FIGN: variants seen among roughly 807,000 people sequenced by gnomAD.
FIGN encodes fidgetin, microtubule severing factor.
In FIGN, 11 loss-of-function variants were observed where a neutral mutation model predicts 51.3. The ratio of observed to expected loss-of-function variants is 0.21; its 90% CI spans 0.13 to 0.35. The LOEUF (loss-of-function observed/expected upper bound fraction) is 0.35. FIGN is among the 10% of genes least tolerant of loss of function. The pLI is 1.00. For synonymous variants in FIGN, 407 were observed against 363.2 expected (o/e 1.12, Z -1.37); for missense variants, 857 against 943.6 (o/e 0.91, Z 1.20).
At chr2:163,734,341 G>A (rs1313157810) in intron 2 of FIGN, among the ~76,000 whole-genome samples, 1 of 147,150 alleles carries the variant, frequency 6.8e-6, no homozygotes, top group South Asian at 2.2e-4. Flanking sequence ...TCACTTACCC[G>A]CCCCCCCCAA....
At chr2:163,727,385 A>G (rs1684853960) in intron 2 of FIGN, among the ~76,000 whole-genome samples, 1 of 23,772 alleles carries the variant, frequency 4.2e-5, no homozygotes, top group Admixed American at 8.0e-4. Flanking sequence ...GGCTTAGTTA[A>G]AAAAAAAAAA....
chr2:163,612,175 A>T (rs542190794), intron 2 of FIGN, among the ~76,000 whole-genome samples: 1 of 152,338 alleles, frequency 6.6e-6, no homozygotes, highest in African/African-American at 2.4e-5. Flanking sequence ...ATTCAATCAT[A>T]GGTTCTTAAA....
chr2:163,712,643 TG>T (rs1010291552), intron 2 of FIGN, among the ~76,000 whole-genome samples: 6 of 152,182 alleles, frequency 3.9e-5, no homozygotes, highest in African/African-American at 9.7e-5. Flanking sequence ...GGTTATATGT[TG>T]TGAGGTTTTT....
chr2:163,731,018 C>T (rs917909573), intron 2 of FIGN, among the ~76,000 whole-genome samples: 8 of 152,148 alleles, frequency 5.3e-5, no homozygotes, highest in African/African-American at 1.9e-4. Flanking sequence ...ACCTTAAAAG[C>T]CTGCAATTGT....
chr2:163,628,900 T>A (rs1169464567), intron 2 of FIGN, among the ~76,000 whole-genome samples: 1 of 152,152 alleles, frequency 6.6e-6, no homozygotes, highest in Non-Finnish European at 1.5e-5. Flanking sequence ...AGGAACTTTC[T>A]TAAGGCCAGC....
At chr2:163,629,463 C>T (rs1194376258) in intron 2 of FIGN, among the ~76,000 whole-genome samples, 1 of 151,946 alleles carries the variant, frequency 6.6e-6, no homozygotes, top group Non-Finnish European at 1.5e-5. Context: ...GAGGATTTTC[C>T]TCATTGATAA....
chr2:163,721,191 A>G (rs6710146), intron 2 of FIGN, among the ~76,000 whole-genome samples: 29,713 of 151,974 alleles, frequency 0.2, 3,179 homozygotes, highest in East Asian at 0.37. Flanking sequence ...AATTCTCATG[A>G]ATATTTTTAT....
At chr2:163,648,437 A>G (rs951843342) in intron 2 of FIGN, among the ~76,000 whole-genome samples, 3 of 152,220 alleles carry the variant, frequency 2.0e-5, no homozygotes, top group Admixed American at 2.0e-4. Context: ...AATAAAATAC[A>G]AAGAGAACAT....
intron 2 of FIGN, among the ~76,000 whole-genome samples, chr2:163,641,777 T>G (rs1683309823): frequency 6.6e-6 from 1 of 152,170 alleles, no homozygotes; most frequent in Non-Finnish European, 1.5e-5. Flanking sequence ...ACAATCAGAT[T>G]CAGTGGGTAC....
chr2:163,647,936 G>T (rs1274495061), intron 2 of FIGN, among the ~76,000 whole-genome samples: 2 of 152,134 alleles, frequency 1.3e-5, no homozygotes, highest in Non-Finnish European at 2.9e-5. Flanking sequence ...CAGAGGATAG[G>T]AGACAAGGTG....
rs138209787 is a variant in FIGN, at chr2:163,670,315, A to G, written c.26-58509T>C. Reference sequence around the variant, plus strand: ...GAGGTTTTTTAAATGAGTGTTGGTCACTTAGAAGTAAAAAAACAAACCCCC... The same window carrying G: ...GAGGTTTTTTAAATGAGTGTTGGTCGCTTAGAAGTAAAAAAACAAACCCCC... On this transcript the variant is annotated intron_variant, in intron 2 of 2. Transcript: ENST00000333129. Among the ~76,000 whole-genome samples, 1,405 of 152,308 alleles carry G rather than the reference A, an allele frequency of 9.2e-3. 24 individuals are homozygous for G. The highest frequency in any genetic ancestry group is 0.032 in the African/African-American group (1,342 of 41,568).
intron 2 of FIGN, among the ~76,000 whole-genome samples, chr2:163,638,759 G>A (rs1052876986): frequency 1.3e-5 from 2 of 152,096 alleles, no homozygotes; most frequent in Non-Finnish European, 2.9e-5. Flanking sequence ...GCTGTGACAT[G>A]ATGTAATTTC....
intron 2 of FIGN, among the ~76,000 whole-genome samples, chr2:163,619,998 CTG>C (rs1410115815): frequency 6.6e-6 from 1 of 152,070 alleles, no homozygotes; most frequent in Admixed American, 6.6e-5. Context: ...GTGTACAAAA[CTG>C]TGTATATTCT....
intron 2 of FIGN, among the ~76,000 whole-genome samples, chr2:163,658,256 T>C (rs1244927156): frequency 6.6e-6 from 1 of 151,934 alleles, no homozygotes; most frequent in Admixed American, 6.6e-5. Flanking sequence ...TACAGAGGAA[T>C]TGAGTGCTGG....
intron 2 of FIGN, among the ~76,000 whole-genome samples, chr2:163,659,811 A>C (rs995136292): frequency 2.6e-5 from 4 of 152,206 alleles, no homozygotes; most frequent in African/African-American, 9.6e-5. Flanking sequence ...TGGCATGTGC[A>C]TAGTAAAGAG....
intron 2 of FIGN, among the ~76,000 whole-genome samples, chr2:163,648,583 T>C (rs543546880): frequency 6.6e-6 from 1 of 152,214 alleles, no homozygotes; most frequent in Non-Finnish European, 1.5e-5. Flanking sequence ...TGCGTTTTTC[T>C]AGAAAGATTC....
intron 2 of FIGN, among the ~76,000 whole-genome samples, chr2:163,698,507 C>T (rs868625421): frequency 6.6e-6 from 1 of 152,086 alleles, no homozygotes; most frequent in African/African-American, 2.4e-5. Flanking sequence ...AGATTCCCCC[C>T]ACCCTACAAA....
chr2:163,626,037 C>A (rs535666042), intron 2 of FIGN, among the ~76,000 whole-genome samples: 1 of 152,140 alleles, frequency 6.6e-6, no homozygotes, highest in African/African-American at 2.4e-5. Flanking sequence ...TCTAACCTCA[C>A]AAGCTTCACG....
At chr2:163,650,149 A>G (rs900971833) in intron 2 of FIGN, among the ~76,000 whole-genome samples, 4 of 152,166 alleles carry the variant, frequency 2.6e-5, no homozygotes, top group Non-Finnish European at 5.9e-5. Flanking sequence ...ACTTAAAAAA[A>G]AATAGAATAG....
Sources: gnomAD v4.1 joint callset for allele counts (sites outside exome capture counted in the v4.1 genomes callset) on GRCh38, gnomAD v4.1.1 for gene constraint, MANE v1.5 for transcripts, NCBI Gene and HGNC (gene_info 2026-07-23, HGNC 2026-07-21) for gene names.